The following RASSF7 variants were observed in gnomAD, a reference collection of about 807,000 sequenced individuals.
The protein encoded by RASSF7 is Ras association domain family member 7.
RASSF7 carries 41 observed loss-of-function variants against 33.8 expected under a neutral mutation model. That is an observed-to-expected ratio of 1.21 (90% CI 0.95 to 1.57). The LOEUF (loss-of-function observed/expected upper bound fraction) is 1.57. RASSF7 is among the 40% of genes most tolerant of loss of function. The pLI is 0.00. For missense variants in RASSF7, 622 were observed against 497.0 expected (o/e 1.25, Z -2.39); for synonymous variants, 298 against 212.8 (o/e 1.40, Z -3.48).
rs1242913244 is a variant in RASSF7 at position 561,854 on chromosome 11, C to T, written c.86C>T (p.Thr29Ile). 2 of 1,613,530 alleles carry T rather than the reference C, an allele frequency of 1.2e-6. No homozygotes were observed. Among genetic ancestry groups the T allele is most frequent in the Non-Finnish European group, 8.5e-7 (1 of 1,179,984 alleles). The change falls in exon 2 of 6, where the codon ACC becomes ATC. Residue 29 changes from threonine to isoleucine, a missense_variant. Physicochemically the swap from Thr to Ile is moderately conservative, Grantham distance 89. Coordinates refer to ENST00000397583, the MANE Select transcript of RASSF7 (RefSeq NM_003475.4). ...RVVCGVSEQT[T>I]CQEVVIALAQ... Reference sequence around the variant, plus strand: ...GTCTGTGGGGTCTCAGAGCAGACCACCTGCCAGGAAGTGGTCATCGCACTA... The same window carrying T: ...GTCTGTGGGGTCTCAGAGCAGACCATCTGCCAGGAAGTGGTCATCGCACTA...
At position 562,794 on chromosome 11, in the gene RASSF7, ATCCCCT is replaced by A; in HGVS notation, c.822+19_822+24del. The A allele has an allele frequency of 6.9e-7, 1 of 1,450,702 alleles. No homozygotes were observed. The allele number at this position is 1,450,702 out of a possible 1,614,324, so 89.9% of individuals were successfully genotyped here. A position where few individuals can be genotyped will look rare whatever the true frequency, so the allele number is the denominator to read the frequency against. On this transcript the variant is annotated intron_variant, in intron 3 of 5. Coordinates refer to ENST00000397583, the MANE Select transcript of RASSF7 (RefSeq NM_003475.4). ...CCTTGCAGGTGAGCCCGGGGACCTGATCCCCTGTCACTCCCCCACCCCTGATATGGG... is the reference window on the plus strand; with the variant it reads ...CCTTGCAGGTGAGCCCGGGGACCTGAGTCACTCCCCCACCCCTGATATGGG...
chr11:562,523 A>G lies in RASSF7; in HGVS notation c.569A>G (p.Gln190Arg). The change falls in exon 3 of 6, where the codon CAG (glutamine) becomes CGG (arginine). Residue 190 changes from glutamine to arginine, a missense_variant. Coordinates refer to ENST00000397583, the MANE Select transcript of RASSF7 (RefSeq NM_003475.4). Reference protein sequence around the residue: ...RREQAREREGQARLQALSAAT... With the variant: ...RREQAREREGRARLQALSAAT... ...GAGCAGGCCCGGGAGCGAGAGGGAC[A>G]GGCACGCCTGCAGGCACTAAGTGCG... 6.5e-7 allele frequency: 1 copy of G among 1,549,052 alleles called. No homozygotes were observed.
Position 563,595 on chromosome 11 carries a change from G to T in RASSF7, c.1072G>T (p.Ala358Ser). 1 of 1,612,076 alleles carries T rather than the reference G, an allele frequency of 6.2e-7. No individual in the cohort carries two copies. The highest frequency in any genetic ancestry group is 8.5e-7 in the Non-Finnish European group (1 of 1,179,906). Residue 358 changes from alanine to serine, a missense_variant, in exon 6 of 6, where the codon GCT becomes TCT. By Grantham distance (99) the Ala-to-Ser change is moderately conservative (BLOSUM62 1). Transcript: ENST00000397583. Reference sequence around the variant, plus strand: ...CGCAGAACTCCTGGAGGTAGCAGCAGCTCCTGCCCCAGAGTGGTGTCCTCT... The same window carrying T: ...CGCAGAACTCCTGGAGGTAGCAGCATCTCCTGCCCCAGAGTGGTGTCCTCT... Reference protein sequence around the residue: ...HDAELLEVAAAPAPEWCPLAA... With the variant: ...HDAELLEVAASPAPEWCPLAA...
At position 562,426 on chromosome 11, in the gene RASSF7, C is replaced by T; in HGVS notation, c.472C>T (p.Leu158=). 1.3e-6 allele frequency: 2 copies of T among 1,554,846 alleles called. No individual in the cohort carries two copies. The highest frequency in any genetic ancestry group is 1.7e-6 in the Non-Finnish European group (2 of 1,149,154). The part of the protein sequence containing the change: ...TPGCCTDLRG[L]ELRVQRNAEE... The stretch of plus-strand genomic sequence containing the variant: ...AGGCTGCTGCACAGACCTGCGGGGC[C>T]TGGAGCTCAGGGTGCAGAGGAATGC... Residue 158 remains leucine, a synonymous_variant, in exon 3 of 6, where the codon CTG becomes TTG. Transcript: ENST00000397583.
rs1853451135 is a variant in RASSF7 at position 563,865 on chromosome 11, G to A, written c.*220G>A. On this transcript the variant is annotated 3_prime_UTR_variant, in exon 6 of 6. Transcript: ENST00000397583. ...TTGCCAGGCCCCAAAGGCCACGACT[G>A]CCTGTTGGGGACAGGAGATGCATGG... The A allele has an allele frequency of 5.1e-6, 3 of 591,372 alleles. No individual in the cohort carries two copies. Among genetic ancestry groups the A allele is most frequent in the Non-Finnish European group, 9.0e-6 (3 of 332,948 alleles). The allele number at this position is 591,372 out of a possible 1,614,324, so 36.6% of individuals were successfully genotyped here. A position where few individuals can be genotyped will look rare whatever the true frequency, so the allele number is the denominator to read the frequency against.
intron 3 of RASSF7, 113 bp from the exon 4 acceptor site, chr11:563,076 G>A: frequency 9.3e-7 from 1 of 1,075,740 alleles, no homozygotes; most frequent in Non-Finnish European, 1.3e-6. Flanking sequence ...CCCAACCCCT[G>A]ACGTGGGCAG....
rs777914327 is a variant in RASSF7, at chr11:562,251, C to G, written c.297C>G (p.Ser99Arg). The change falls in exon 3 of 6, where the codon AGC (serine) becomes AGG (arginine). Residue 99 changes from serine to arginine, a missense_variant. By Grantham distance (110) the Ser-to-Arg change is moderately radical. Coordinates refer to ENST00000397583, the MANE Select transcript of RASSF7 (RefSeq NM_003475.4). ...TAGCTGGGAGGCCCTCCTCAGACAG[C>G]TGTCCACCCCCGGAACGCTGCCTAA... ...PSLAGRPSSDSCPPPERCLIR... is the reference protein window; with the variant it reads ...PSLAGRPSSDRCPPPERCLIR... 7 of 1,612,876 alleles carry G rather than the reference C, an allele frequency of 4.3e-6. No homozygotes were observed. Among genetic ancestry groups the G allele is most frequent in the Non-Finnish European group, 5.9e-6 (7 of 1,179,918 alleles).
intron 1 of RASSF7, 25 bp downstream of exon 1, chr11:561,502 T>C (rs1397478409): frequency 7.4e-7 from 1 of 1,348,300 alleles, no homozygotes; most frequent in Admixed American, 3.1e-5. Flanking sequence ...AAATGCTGGA[T>C]CTGGTTAATG....
chr11:562,211 G>A lies in RASSF7; in HGVS notation c.257G>A (p.Arg86His), dbSNP rs1400691707. ...FASDVQFVLR[R>H]TGPSLAGRPS... ...AGCGATGTCCAGTTTGTCCTGAGGC[G>A]CACAGGGCCCAGCCTAGCTGGGAGG... The change falls in exon 3 of 6, where the codon CGC becomes CAC. Residue 86 changes from arginine (R) to histidine (H), a missense_variant. Coordinates refer to ENST00000397583, the MANE Select transcript of RASSF7 (RefSeq NM_003475.4). 7 of 1,607,856 alleles carry A rather than the reference G, an allele frequency of 4.4e-6. No individual in the cohort carries two copies. Among genetic ancestry groups the A allele is most frequent in the South Asian group, 1.1e-5 (1 of 90,538 alleles).
chr11:563,356 C>T (rs1853432671), intron 4 of RASSF7, 39 bp downstream of exon 4: 10 of 1,607,518 alleles, frequency 6.2e-6, no homozygotes, highest in African/African-American at 1.3e-5. Flanking sequence ...AGGTGAGGAC[C>T]TGGCCCAGCC....
rs1387238682 is a variant in RASSF7 at position 561,349 on chromosome 11, G to C, written c.-136G>C. The C allele has an allele frequency of 9.8e-7, 1 of 1,024,176 alleles. No homozygotes were observed. The highest frequency in any genetic ancestry group is 1.7e-5 in the African/African-American group (1 of 57,684). 63.4% of individuals were successfully genotyped at this position (1,024,176 alleles called of 1,614,324 possible). ...GCTCCATCTGCAGGGTCGAGGTCTG[G>C]GTTGCGACCCCGAGCGCCTCTGCGG... On this transcript the variant is annotated 5_prime_UTR_variant, in exon 1 of 6. Coordinates refer to ENST00000397583, the MANE Select transcript of RASSF7 (RefSeq NM_003475.4).
intron 3 of RASSF7, 133 bp from the exon 4 acceptor site, chr11:563,056 C>T (rs1589840245): frequency 2.2e-6 from 2 of 903,304 alleles, no homozygotes; most frequent in East Asian, 5.2e-5. Flanking sequence ...GACCTGATCC[C>T]CTGTCACTCC....
intron 3 of RASSF7, among the ~76,000 whole-genome samples, 200 bp downstream of exon 3, chr11:562,976 A>G (rs926681418): frequency 4.9e-5 from 7 of 143,466 alleles, no homozygotes; most frequent in Non-Finnish European, 1.0e-4. Flanking sequence ...ATCCCCTGTC[A>G]CTCCCCCACC....
Position 561,154 on chromosome 11 carries a change from C to G in RASSF7, c.-331C>G. On this transcript the variant is annotated 5_prime_UTR_variant, in exon 1 of 6. Coordinates refer to ENST00000397583, the MANE Select transcript of RASSF7 (RefSeq NM_003475.4). ...CGGACGGAGAGCGGGGGCGGCGCCGCACCTGCGCCCGCCCTGCGGAACGGG... is the reference window on the plus strand; with the variant it reads ...CGGACGGAGAGCGGGGGCGGCGCCGGACCTGCGCCCGCCCTGCGGAACGGG... 1 of 984,946 alleles carries G rather than the reference C, an allele frequency of 1.0e-6. No individual in the cohort carries two copies. Among genetic ancestry groups the G allele is most frequent in the Non-Finnish European group, 1.2e-6 (1 of 829,798 alleles). 61.0% of individuals were successfully genotyped at this position (984,946 alleles called of 1,614,324 possible).
rs1417627644 is a variant in RASSF7 at position 562,230 on chromosome 11, T to G, written c.276T>G (p.Ala92=). Residue 92 remains alanine (A), a synonymous_variant, in exon 3 of 6, where the codon GCT becomes GCG. Coordinates refer to ENST00000397583, the MANE Select transcript of RASSF7 (RefSeq NM_003475.4). The part of the protein sequence containing the change: ...FVLRRTGPSL[A]GRPSSDSCPP... ...TGAGGCGCACAGGGCCCAGCCTAGCTGGGAGGCCCTCCTCAGACAGCTGTC... is the reference window on the plus strand; with the variant it reads ...TGAGGCGCACAGGGCCCAGCCTAGCGGGGAGGCCCTCCTCAGACAGCTGTC... 2 of 1,611,850 alleles carry G rather than the reference T, an allele frequency of 1.2e-6. No individual in the cohort carries two copies. Among genetic ancestry groups the G allele is most frequent in the African/African-American group, 2.7e-5 (2 of 74,920 alleles).
chr11:562,762 G>C lies in RASSF7; in HGVS notation c.808G>C (p.Glu270Gln). Reference sequence around the variant, plus strand: ...GGTGAGCCGGGCCCTGGAGGCAGCAGAGCGAGCCTTGCAGGTGAGCCCGGG... The same window carrying C: ...GGTGAGCCGGGCCCTGGAGGCAGCACAGCGAGCCTTGCAGGTGAGCCCGGG... ...ALVSRALEAA[E>Q]RALQAQAQEL... The change falls in exon 3 of 6, where the codon GAG becomes CAG. Residue 270 changes from glutamate (E) to glutamine (Q), a missense_variant. Coordinates refer to ENST00000397583, the MANE Select transcript of RASSF7 (RefSeq NM_003475.4). 1 of 1,508,058 alleles carries C rather than the reference G, an allele frequency of 6.6e-7. No individual in the cohort carries two copies. Among genetic ancestry groups the C allele is most frequent in the African/African-American group, 1.4e-5 (1 of 71,886 alleles). The allele number at this position is 1,508,058 out of a possible 1,614,324, so 93.4% of individuals were successfully genotyped here. A position where few individuals can be genotyped will look rare whatever the true frequency, so the allele number is the denominator to read the frequency against.
rs1303481622 is a variant in RASSF7 at position 563,541 on chromosome 11, C to T, written c.1035-17C>T. 7.4e-6 allele frequency: 12 copies of T among 1,611,302 alleles called. No individual in the cohort carries two copies. In the African/African-American group the frequency reaches 1.5e-4, roughly 20 times the overall value. On this transcript the variant is annotated splice_polypyrimidine_tract_variant and intron_variant, in intron 5 of 5. Coordinates refer to ENST00000397583, the MANE Select transcript of RASSF7 (RefSeq NM_003475.4). ...CCTCCTGTGGCTGCAGCCACCTCAGCCTGTGTCCTCCCGCAGTGGCCCCCA... is the reference window on the plus strand; with the variant it reads ...CCTCCTGTGGCTGCAGCCACCTCAGTCTGTGTCCTCCCGCAGTGGCCCCCA...
rs1001759149 is a variant in RASSF7, at chr11:561,199, G to T, written c.-286G>T. 10 of 984,958 alleles carry T rather than the reference G, an allele frequency of 1.0e-5. No homozygotes were observed. Among genetic ancestry groups the T allele is most frequent in the Non-Finnish European group, 3.6e-6 (3 of 829,844 alleles). The allele number at this position is 984,958 out of a possible 1,614,324, so 61.0% of individuals were successfully genotyped here. On this transcript the variant is annotated 5_prime_UTR_variant, in exon 1 of 6. In the 5' UTR this introduces an upstream ATG that the reference lacks. Coordinates refer to ENST00000397583, the MANE Select transcript of RASSF7 (RefSeq NM_003475.4). Reference sequence around the variant, plus strand: ...AACGGGGACGCCCTGGCTCCCGCCAGGCTGGGGTCGCGGCGCGGGCTTCGG... The same window carrying T: ...AACGGGGACGCCCTGGCTCCCGCCATGCTGGGGTCGCGGCGCGGGCTTCGG...
At position 562,436 on chromosome 11, in the gene RASSF7, G is replaced by A. The variant is rs1458443679; in HGVS notation, c.482G>A (p.Arg161Lys). Reference sequence around the variant, plus strand: ...ACAGACCTGCGGGGCCTGGAGCTCAGGGTGCAGAGGAATGCTGAGGAGCTG... The same window carrying A: ...ACAGACCTGCGGGGCCTGGAGCTCAAGGTGCAGAGGAATGCTGAGGAGCTG... ...CCTDLRGLEL[R>K]VQRNAEELGH... The change falls in exon 3 of 6, where the codon AGG becomes AAG. Residue 161 changes from arginine (R) to lysine (K), a missense_variant. Transcript: ENST00000397583. The A allele has an allele frequency of 9.7e-6, 15 of 1,552,584 alleles. No individual in the cohort carries two copies. The highest frequency in any genetic ancestry group is 3.4e-4 in the Middle Eastern group (2 of 5,922).
Sources: gnomAD v4.1 joint callset for allele counts (sites outside exome capture counted in the v4.1 genomes callset) on GRCh38, gnomAD v4.1.1 for gene constraint, MANE v1.5 for transcripts, NCBI Gene and HGNC (gene_info 2026-07-23, HGNC 2026-07-21) for gene names.